Variants in TNS1 observed in about 807,000 individuals in gnomAD.
TNS1 encodes the protein tensin-1.
TNS1 carries 62 observed loss-of-function variants against 168.6 expected under a neutral mutation model. That is an observed-to-expected ratio of 0.37 (90% CI 0.30 to 0.45). The LOEUF is 0.45. Among genes scored for constraint, TNS1 ranks in the 20% least tolerant of loss-of-function variants. The pLI, the probability that TNS1 is intolerant of heterozygous loss-of-function variation, is 1.00. For synonymous variants in TNS1, 934 were observed against 933.2 expected (o/e 1.00, Z -0.02); for missense variants, 2,240 against 2,339.4 (o/e 0.96, Z 0.88).
chr2:217,925,337 C>G (rs1330540805), intron 3 of TNS1, among the ~76,000 whole-genome samples: 1 of 152,216 alleles, frequency 6.6e-6, no homozygotes, highest in African/African-American at 2.4e-5. Context: ...CCTCTCACCT[C>G]CCAAACCTGC....
intron 1 of TNS1, among the ~76,000 whole-genome samples, chr2:218,000,970 G>A (rs1410564135): frequency 2.0e-5 from 3 of 152,110 alleles, no homozygotes; most frequent in African/African-American, 7.2e-5. Context: ...TGGCCAACAC[G>A]ATGAAACCCC....
chr2:217,940,493 G>A lies in TNS1; in HGVS notation c.187-20257C>T, dbSNP rs1042972395. On this transcript the variant is annotated intron_variant, in intron 3 of 32. Transcript: ENST00000682258. ...GGCTCACGGCACACTCAGGTCTCCC[G>A]ATCCTTCCCTGCACAACCCTCCCAC... 4.6e-5 allele frequency among the ~76,000 whole-genome samples: 7 copies of A among 152,102 alleles called. No individual in the cohort carries two copies. The East Asian group carries it at 5.8e-4, about 13-fold the overall frequency.
chr2:217,830,149 C>T (rs934546449), intron 22 of TNS1: 9 of 445,320 alleles, frequency 2.0e-5, no homozygotes, highest in East Asian at 1.6e-4. Flanking sequence ...GTTGAGTCCC[C>T]GGCTCTCAGG....
intron 1 of TNS1, among the ~76,000 whole-genome samples, chr2:218,022,684 G>A (rs753870437): frequency 2.5e-4 from 38 of 151,532 alleles, no homozygotes; most frequent in Non-Finnish European, 4.7e-4. Flanking sequence ...CCCCCAGAGC[G>A]AGAAATACCC....
intron 3 of TNS1, among the ~76,000 whole-genome samples, chr2:217,940,036 G>A (rs911347506): frequency 3.9e-5 from 6 of 152,266 alleles, no homozygotes; most frequent in South Asian, 2.1e-4. Context: ...GTGTCACCAG[G>A]GGATGTGGGC....
chr2:218,013,706 G>T (rs1191047036), upstream of TNS1, among the ~76,000 whole-genome samples: 2 of 151,978 alleles, frequency 1.3e-5, no homozygotes, highest in East Asian at 1.9e-4. Context: ...CCTCCCTCCC[G>T]CACCTCTCCT....
chr2:217,812,569 C>G, intron 27 of TNS1, 124 bp from the exon 28 acceptor site: 1 of 715,800 alleles, frequency 1.4e-6, no homozygotes, highest in Non-Finnish European at 2.3e-6. Context: ...CCTCAACCCA[C>G]CACCAAAGCT....
At chr2:217,866,381 C>T (rs761243805) in intron 18 of TNS1, among the ~76,000 whole-genome samples, 4 of 152,280 alleles carry the variant, frequency 2.6e-5, no homozygotes, top group Non-Finnish European at 4.4e-5. Flanking sequence ...ATCCCAGAGC[C>T]CCTGGACTTG....
At chr2:217,896,286 T>C (rs559041403) in intron 8 of TNS1, among the ~76,000 whole-genome samples, 1 of 152,352 alleles carries the variant, frequency 6.6e-6, no homozygotes, top group South Asian at 2.1e-4. Flanking sequence ...AATAGTATCC[T>C]CAAAACGTCA....
intron 3 of TNS1, among the ~76,000 whole-genome samples, chr2:217,930,440 G>A: frequency 6.6e-6 from 1 of 152,138 alleles, no homozygotes; most frequent in East Asian, 1.9e-4. Flanking sequence ...CTGTGCCCAG[G>A]GCACACAGGG....
chr2:217,839,904 C>G (rs773818275), intron 19 of TNS1, among the ~76,000 whole-genome samples: 1 of 152,204 alleles, frequency 6.6e-6, no homozygotes, highest in Non-Finnish European at 1.5e-5. Flanking sequence ...GAAAGCCACA[C>G]GGCGATCACA....
intron 6 of TNS1, among the ~76,000 whole-genome samples, chr2:217,905,101 A>G (rs901341536): frequency 6.6e-6 from 1 of 152,226 alleles, no homozygotes; most frequent in Non-Finnish European, 1.5e-5. Context: ...TAGTCAAAAT[A>G]ACAGTAATAA....
At chr2:217,806,879 C>A (rs1234247630) in intron 32 of TNS1, among the ~76,000 whole-genome samples, 1 of 152,226 alleles carries the variant, frequency 6.6e-6, no homozygotes, top group Non-Finnish European at 1.5e-5. Flanking sequence ...GGGGAGCTTG[C>A]AGGCTGGTGG....
chr2:217,947,351 G>A (rs1957136650), intron 3 of TNS1, among the ~76,000 whole-genome samples: 1 of 152,156 alleles, frequency 6.6e-6, no homozygotes, highest in African/African-American at 2.4e-5. Flanking sequence ...GAAAAGAGGT[G>A]AGGAGATACA....
intron 18 of TNS1, among the ~76,000 whole-genome samples, chr2:217,857,811 C>T (rs955102094): frequency 1.3e-5 from 2 of 152,184 alleles, no homozygotes; most frequent in Non-Finnish European, 2.9e-5. Flanking sequence ...CCGAGCCTGG[C>T]ACTCCCACCC....
At chr2:217,889,732 G>A in intron 12 of TNS1, among the ~76,000 whole-genome samples, 1 of 152,158 alleles carries the variant, frequency 6.6e-6, no homozygotes, top group East Asian at 1.9e-4. Context: ...AGCTCCATAA[G>A]CCCTTGCCTG....
intron 3 of TNS1, among the ~76,000 whole-genome samples, chr2:217,938,159 C>CA (rs1384142017): frequency 1.3e-5 from 2 of 151,870 alleles, no homozygotes; most frequent in Admixed American, 6.6e-5. Context: ...ATTCTTTCTC[C>CA]AAAAAAAAGC....
intron 2 of TNS1, among the ~76,000 whole-genome samples, chr2:217,984,750 C>CTTT (rs58959120): frequency 7.4e-6 from 1 of 135,754 alleles, no homozygotes; most frequent in Non-Finnish European, 1.6e-5. Context: ...ACCTCAGCCT[C>CTTT]TTTTTTTTTT....
intron 12 of TNS1, chr2:217,890,381 G>C (rs1477729157): frequency 6.6e-6 from 1 of 152,592 alleles, no homozygotes; most frequent in Non-Finnish European, 1.5e-5. Flanking sequence ...ACTTTTTCCT[G>C]TTCACCCAGA....
Sources: gnomAD v4.1 joint callset for allele counts (sites outside exome capture counted in the v4.1 genomes callset) on GRCh38, gnomAD v4.1.1 for gene constraint, MANE v1.5 for transcripts, NCBI Gene and HGNC (gene_info 2026-07-23, HGNC 2026-07-21) for gene names.